Variants in PTPN4 observed in about 807,000 individuals in gnomAD.
The protein encoded by PTPN4 is protein tyrosine phosphatase non-receptor type 4.
PTPN4 carries 49 observed loss-of-function variants against 135.5 expected under a neutral mutation model. The ratio of observed to expected loss-of-function variants is 0.36; its 90% CI spans 0.29 to 0.46. PTPN4 has a LOEUF of 0.46. Among genes scored for constraint, PTPN4 ranks in the 20% least tolerant of loss-of-function variants. PTPN4 has a pLI of 1.00. For synonymous variants in PTPN4, 333 were observed against 369.9 expected (o/e 0.90, Z 1.14); for missense variants, 860 against 1,101.0 (o/e 0.78, Z 3.10).
intron 1 of PTPN4, among the ~76,000 whole-genome samples, chr2:119,777,476 C>T (rs1690858163): frequency 1.3e-5 from 2 of 151,872 alleles, no homozygotes; most frequent in Non-Finnish European, 1.5e-5. Flanking sequence ...TTTTGTTTGT[C>T]GATATATTCA....
intron 11 of PTPN4, chr2:119,916,596 G>A (rs751279368): frequency 2.6e-5 from 4 of 151,982 alleles, no homozygotes; most frequent in African/African-American, 7.3e-5. Flanking sequence ...TATATGTACC[G>A]CCTTCTAATA....
Position 119,885,874 on chromosome 2 carries a change from T to C in PTPN4, c.667T>C (p.Tyr223His). 1 of 1,580,824 alleles carries C rather than the reference T, an allele frequency of 6.3e-7. No homozygotes were observed. Among genetic ancestry groups the C allele is most frequent in the Non-Finnish European group, 8.6e-7 (1 of 1,165,642 alleles). Residue 223 changes from tyrosine to histidine, a missense_variant, in exon 9 of 27, where the codon TAT (tyrosine) becomes CAT (histidine). By Grantham distance (83) the Tyr-to-His change is moderately conservative. Coordinates refer to ENST00000263708, the MANE Select transcript of PTPN4 (RefSeq NM_002830.4). The stretch of plus-strand genomic sequence containing the variant: ...AGAACTCTATGGAGTTGAATTCCAC[T>C]ATGCAAGGGTAAGTGAAGAAAACTT... ...TLELYGVEFH[Y>H]ARDQSNNEIM...
intron 8 of PTPN4, among the ~76,000 whole-genome samples, chr2:119,885,316 A>G (rs931965884): frequency 9.2e-5 from 14 of 152,186 alleles, no homozygotes; most frequent in African/African-American, 3.4e-4. Context: ...GATATTACCC[A>G]GGCAGATTGC....
rs144122823 is a variant in PTPN4, at chr2:119,772,075, T to C, written c.-18+11691T>C. ...GTGTGTTTCTTTTTTAGATACTTGT[T>C]CATGAAAGCAAAATATCATTACAAA... On this transcript the variant is annotated intron_variant, in intron 1 of 26. Coordinates refer to ENST00000263708, the MANE Select transcript of PTPN4 (RefSeq NM_002830.4). Among the ~76,000 whole-genome samples, 6 of 152,394 alleles carry C rather than the reference T, an allele frequency of 3.9e-5. No homozygotes were observed. In the East Asian group the frequency reaches 1.2e-3, roughly 29 times the overall value.
chr2:119,928,562 T>C (rs1222224204), intron 13 of PTPN4, among the ~76,000 whole-genome samples: 1 of 152,172 alleles, frequency 6.6e-6, no homozygotes, highest in African/African-American at 2.4e-5. Context: ...TCATGAGTTG[T>C]CTTCTAATCA....
intron 2 of PTPN4, among the ~76,000 whole-genome samples, chr2:119,856,064 A>G (rs957090898): frequency 3.3e-5 from 5 of 152,260 alleles, no homozygotes; most frequent in Non-Finnish European, 2.9e-5. Flanking sequence ...TCAGCCTCCC[A>G]AAGTGCTGGT....
intron 13 of PTPN4, among the ~76,000 whole-genome samples, chr2:119,928,800 C>T (rs1678861221): frequency 1.3e-5 from 2 of 152,042 alleles, no homozygotes; most frequent in Admixed American, 6.6e-5. Flanking sequence ...CAGTGTAGAA[C>T]GTGCGATGTG....
At chr2:119,809,588 A>G (rs916681047) in intron 1 of PTPN4, among the ~76,000 whole-genome samples, 2 of 152,100 alleles carry the variant, frequency 1.3e-5, no homozygotes, top group Non-Finnish European at 2.9e-5. Flanking sequence ...ACTTCCTTAA[A>G]AATTTATGTA....
intron 2 of PTPN4, among the ~76,000 whole-genome samples, chr2:119,824,574 A>G (rs1677120166): frequency 6.6e-6 from 1 of 152,124 alleles, no homozygotes; most frequent in South Asian, 2.1e-4. Flanking sequence ...TATTTCTTTC[A>G]GTTATATAAT....
chr2:119,956,202 A>T (rs1276744451), intron 20 of PTPN4, among the ~76,000 whole-genome samples: 1 of 146,516 alleles, frequency 6.8e-6, no homozygotes, highest in African/African-American at 2.5e-5. Flanking sequence ...TATTCAGACT[A>T]TATCAACCTA....
chr2:119,830,436 T>C (rs1677201957), intron 2 of PTPN4, among the ~76,000 whole-genome samples: 1 of 152,034 alleles, frequency 6.6e-6, no homozygotes, highest in African/African-American at 2.4e-5. Flanking sequence ...CTCGCAATAG[T>C]GAGTTCTCAT....
At position 119,941,697 on chromosome 2, in the gene PTPN4, G is replaced by A. The variant is rs536529573; in HGVS notation, c.1356-3384G>A. Among the ~76,000 whole-genome samples, 59 of 152,210 alleles carry A rather than the reference G, an allele frequency of 3.9e-4. No individual in the cohort carries two copies. In the East Asian group the frequency reaches 7.3e-3, roughly 19 times the overall value. ...AAATCCAAAGTTTTACTGTCCTTTC[G>A]TCTTCATCTTAATCTATACTTCATT... On this transcript the variant is annotated intron_variant, in intron 15 of 26. Coordinates refer to ENST00000263708, the MANE Select transcript of PTPN4 (RefSeq NM_002830.4).
intron 22 of PTPN4, among the ~76,000 whole-genome samples, chr2:119,959,853 AT>A (rs2105057979): frequency 6.6e-6 from 1 of 152,308 alleles, no homozygotes; most frequent in East Asian, 1.9e-4. Flanking sequence ...GTTTACAGAA[AT>A]AAAAAACATG....
chr2:119,849,318 T>C (rs1677555706), intron 2 of PTPN4, among the ~76,000 whole-genome samples: 2 of 152,208 alleles, frequency 1.3e-5, no homozygotes, highest in Non-Finnish European at 2.9e-5. Flanking sequence ...TATATGTTTT[T>C]GAGATAGGGT....
At chr2:119,846,500 G>T in intron 2 of PTPN4, among the ~76,000 whole-genome samples, 1 of 149,678 alleles carries the variant, frequency 6.7e-6, no homozygotes, top group Non-Finnish European at 1.5e-5. Flanking sequence ...TTATATATTT[G>T]TATTTCTGAA....
chr2:119,830,226 T>C (rs1158614519), intron 2 of PTPN4, among the ~76,000 whole-genome samples: 1 of 152,188 alleles, frequency 6.6e-6, no homozygotes, highest in Non-Finnish European at 1.5e-5. Flanking sequence ...GGGTCCAATT[T>C]ATTCTTTTGT....
At chr2:119,775,819 C>CTA (rs981038454) in intron 1 of PTPN4, among the ~76,000 whole-genome samples, 6 of 151,240 alleles carry the variant, frequency 4.0e-5, no homozygotes, top group Admixed American at 2.0e-4. Flanking sequence ...ATATCTATAT[C>CTA]TATATCTATA....
intron 9 of PTPN4, among the ~76,000 whole-genome samples, chr2:119,893,353 T>A (rs1172215998): frequency 2.6e-5 from 4 of 152,216 alleles, no homozygotes; most frequent in African/African-American, 9.6e-5. Flanking sequence ...GCCTGAACTT[T>A]TACTAAGTTG....
intron 9 of PTPN4, among the ~76,000 whole-genome samples, chr2:119,899,619 G>A (rs1040836626): frequency 6.6e-6 from 1 of 152,078 alleles, no homozygotes; most frequent in Non-Finnish European, 1.5e-5. Context: ...GTTTTATGAG[G>A]TTGGGAGCAG....
Sources: allele counts gnomAD v4.1 joint callset (sites outside exome capture counted in the v4.1 genomes callset), GRCh38; gene constraint gnomAD v4.1.1; transcripts MANE v1.5; gene names NCBI Gene and HGNC (gene_info 2026-07-23, HGNC 2026-07-21).